LDB2: variants seen among roughly 807,000 people sequenced by gnomAD.
LDB2 encodes LIM domain binding 2, also known as LIM domain-binding protein 2.
A neutral mutation model predicts 44.3 loss-of-function variants in LDB2; 12 were observed. That is an observed-to-expected ratio of 0.27 (90% CI 0.17 to 0.44). LDB2 has a LOEUF of 0.44. LDB2 is among the 20% of genes least tolerant of loss of function. The pLI is 1.00. For missense variants in LDB2, 344 were observed against 473.5 expected, an observed-to-expected ratio of 0.73 and a Z score of 2.54; for synonymous variants, 164 against 174.8, an observed-to-expected ratio of 0.94 and a Z score of 0.49.
At chr4:16,726,973 T>C (rs139894545) in intron 2 of LDB2, among the ~76,000 whole-genome samples, 1 of 152,350 alleles carries the variant, frequency 6.6e-6, no homozygotes, top group East Asian at 1.9e-4. Context: ...TTCTTAACAA[T>C]GTTCACATTA....
chr4:16,837,842 T>A lies in LDB2; in HGVS notation c.132+60512A>T, dbSNP rs373237438. ...TCAAGCACTAAACTTTGGTATGATA[T>A]GTTAGGCAGGAAAGTATCATTTAGG... On this transcript the variant is annotated intron_variant, in intron 1 of 7. Coordinates refer to ENST00000304523, the MANE Select transcript of LDB2 (RefSeq NM_001290.5). Among the ~76,000 whole-genome samples, 7 of 152,236 alleles carry A rather than the reference T, an allele frequency of 4.6e-5. No individual in the cohort carries two copies. The East Asian group carries it at 9.6e-4, about 21-fold the overall frequency.
At chr4:16,746,605 G>A (rs1454457493) in intron 2 of LDB2, among the ~76,000 whole-genome samples, 1 of 152,124 alleles carries the variant, frequency 6.6e-6, no homozygotes, top group Non-Finnish European at 1.5e-5. Context: ...TGGCCAACAT[G>A]GTGAAACCCC....
chr4:16,720,001 CT>C (rs989898279), intron 2 of LDB2, among the ~76,000 whole-genome samples: 1 of 152,016 alleles, frequency 6.6e-6, no homozygotes, highest in African/African-American at 2.4e-5. Context: ...AAATATTTAT[CT>C]TCCTTTAATT....
intron 2 of LDB2, among the ~76,000 whole-genome samples, chr4:16,677,838 C>G (rs905172099): frequency 6.6e-6 from 1 of 152,180 alleles, no homozygotes; most frequent in Non-Finnish European, 1.5e-5. Context: ...AAATAATATT[C>G]AATTTCTGCA....
At chr4:16,893,788 AT>A (rs58010923) in intron 1 of LDB2, among the ~76,000 whole-genome samples, 308 of 148,514 alleles carry the variant, frequency 2.1e-3, no homozygotes, top group South Asian at 3.8e-3. Flanking sequence ...TGTTTATGGT[AT>A]TTTTTTTTTT....
At chr4:16,505,925 G>T (rs1186696525) in intron 7 of LDB2, 2 of 1,551,526 alleles carry the variant, frequency 1.3e-6, no homozygotes, top group Admixed American at 3.9e-5. Flanking sequence ...GCTGTTGAAT[G>T]ACACAGGTCT....
At chr4:16,709,864 C>T (rs999705291) in intron 2 of LDB2, among the ~76,000 whole-genome samples, 8 of 152,150 alleles carry the variant, frequency 5.3e-5, no homozygotes, top group Non-Finnish European at 2.9e-5. Flanking sequence ...ATGAACTCTC[C>T]AGTTCACCAG....
intron 2 of LDB2, among the ~76,000 whole-genome samples, chr4:16,664,105 C>T (rs1287825819): frequency 2.0e-5 from 3 of 152,172 alleles, no homozygotes; most frequent in Non-Finnish European, 4.4e-5. Flanking sequence ...AAATTCATAT[C>T]CTAACTCCCA....
intron 2 of LDB2, among the ~76,000 whole-genome samples, chr4:16,669,661 T>G (rs1744216594): frequency 6.6e-6 from 1 of 152,240 alleles, no homozygotes; most frequent in Non-Finnish European, 1.5e-5. Flanking sequence ...TGAAGTTACT[T>G]AAGTAATTTG....
intron 2 of LDB2, among the ~76,000 whole-genome samples, chr4:16,670,851 T>A (rs1214948627): frequency 6.6e-6 from 1 of 152,202 alleles, no homozygotes; most frequent in Non-Finnish European, 1.5e-5. Context: ...TAGCTATTGT[T>A]ATTTATTGAG....
chr4:16,876,086 G>A (rs77855976), intron 1 of LDB2, among the ~76,000 whole-genome samples: 3,919 of 152,254 alleles, frequency 0.026, 133 homozygotes, highest in African/African-American at 0.081. Context: ...GGGCCATTCC[G>A]CAACCAACTC....
chr4:16,650,816 C>T (rs1162683748), intron 2 of LDB2, among the ~76,000 whole-genome samples: 1 of 152,188 alleles, frequency 6.6e-6, no homozygotes. Flanking sequence ...AAGTGGGAGT[C>T]ACTGAAGACT....
At chr4:16,542,869 C>G (rs1049815647) in intron 5 of LDB2, among the ~76,000 whole-genome samples, 2 of 151,842 alleles carry the variant, frequency 1.3e-5, no homozygotes, top group Admixed American at 1.3e-4. Flanking sequence ...TGGTGTGCTG[C>G]ACCCATTAAC....
At chr4:16,631,409 G>A (rs761619147) in intron 2 of LDB2, among the ~76,000 whole-genome samples, 2 of 152,028 alleles carry the variant, frequency 1.3e-5, no homozygotes, top group African/African-American at 2.4e-5. Flanking sequence ...ACAACGCACC[G>A]GAATCTCTGG....
intron 5 of LDB2, among the ~76,000 whole-genome samples, chr4:16,535,766 C>T (rs750931009): frequency 6.6e-6 from 1 of 152,220 alleles, no homozygotes; most frequent in Non-Finnish European, 1.5e-5. Context: ...GGCAATTCCA[C>T]AGAGCATCTC....
At chr4:16,605,266 G>A (rs1723614122) in intron 2 of LDB2, among the ~76,000 whole-genome samples, 3 of 152,062 alleles carry the variant, frequency 2.0e-5, no homozygotes, top group Non-Finnish European at 4.4e-5. Flanking sequence ...AAGTAATGAG[G>A]TTATCCATGA....
chr4:16,543,386 C>G (rs1001296001), intron 5 of LDB2, among the ~76,000 whole-genome samples: 25 of 152,176 alleles, frequency 1.6e-4, no homozygotes, highest in African/African-American at 6.0e-4. Flanking sequence ...TACAGTCCCA[C>G]CAACAGTGTA....
chr4:16,840,904 G>C (rs74651472), intron 1 of LDB2, among the ~76,000 whole-genome samples: 2,706 of 152,248 alleles, frequency 0.018, 91 homozygotes, highest in African/African-American at 0.062. Flanking sequence ...TGGCTGCCTG[G>C]TCCAACCTAG....
At chr4:16,769,971 C>G (rs890507514) in intron 1 of LDB2, among the ~76,000 whole-genome samples, 19 of 152,164 alleles carry the variant, frequency 1.2e-4, no homozygotes, top group Non-Finnish European at 2.6e-4. Context: ...GTTTTCCCCC[C>G]AAAGACCTGA....
Sources: gnomAD v4.1 joint callset for allele counts (sites outside exome capture counted in the v4.1 genomes callset) on GRCh38, gnomAD v4.1.1 for gene constraint, MANE v1.5 for transcripts, NCBI Gene and HGNC (gene_info 2026-07-23, HGNC 2026-07-21) for gene names.